The following TG variants were observed in gnomAD, a reference collection of about 807,000 sequenced individuals.
The protein encoded by TG is thyroglobulin, also known as thyroid hormones.
Under a neutral mutation model 324.7 loss-of-function variants are expected in TG, and 270 were observed. The observed-to-expected ratio is 0.83, with a 90% confidence interval of 0.75 to 0.92. The LOEUF (loss-of-function observed/expected upper bound fraction) is 0.92, where lower values mean the gene tolerates loss of function less well. TG is among the 40% of genes least tolerant of loss of function. TG has a pLI of 0.00. For synonymous variants in TG, 1,401 were observed against 1,327.0 expected, an observed-to-expected ratio of 1.06 and a Z score of -1.21; for missense variants, 3,591 against 3,456.4, an observed-to-expected ratio of 1.04 and a Z score of -0.98.
intron 19 of TG, 95 bp from the exon 20 acceptor site, chr8:132,912,948 TCCAG>T: frequency 8.8e-7 from 1 of 1,136,296 alleles, no homozygotes; most frequent in Non-Finnish European, 1.3e-6. Flanking sequence ...TATGTCTCAT[TCCAG>T]TCTGGATATT....
chr8:132,961,292 G>A (rs182622864), intron 28 of TG, among the ~76,000 whole-genome samples: 1 of 152,316 alleles, frequency 6.6e-6, no homozygotes, highest in African/African-American at 2.4e-5. Flanking sequence ...AAGAAGGGAT[G>A]GATAGAGGAA....
In TG at chr8:133,113,475, A is replaced by G. The variant is rs1393325111; in HGVS notation, c.7626A>G (p.Ala2542=). ...GTAGCAAAACAGCCTTTTACCAGGC[A>G]CTGCAGAATTCTCTGGGTGGCGAGG... The part of the protein sequence containing the change: ...RTSSKTAFYQ[A]LQNSLGGEDS... The change falls in exon 44 of 48, where the codon GCA becomes GCG. Residue 2542 remains alanine (A), a synonymous_variant. Transcript: ENST00000220616. The G allele has an allele frequency of 1.9e-6, 3 of 1,613,692 alleles. No homozygotes were observed. In the Admixed American group the frequency reaches 5.0e-5, roughly 27 times the overall value.
At chr8:133,119,471 A>C (rs547240288) in intron 45 of TG, among the ~76,000 whole-genome samples, 2 of 152,240 alleles carry the variant, frequency 1.3e-5, no homozygotes, top group African/African-American at 2.4e-5. Flanking sequence ...AGATCAAGGC[A>C]TGGGAAGATT....
chr8:133,051,001 A>G, intron 41 of TG: 1 of 752,724 alleles, frequency 1.3e-6, no homozygotes, highest in Admixed American at 2.2e-5. Context: ...GGAGGGTATG[A>G]AGATGAGATT....
chr8:132,961,079 C>T lies in TG; in HGVS notation c.5467+6C>T. 1 of 1,613,986 alleles carries T rather than the reference C, an allele frequency of 6.2e-7. No homozygotes were observed. The highest frequency in any genetic ancestry group is 8.5e-7 in the Non-Finnish European group (1 of 1,179,932). Reference sequence around the variant, plus strand: ...GCAGGTTTATCTCTGGAAAGGTGAGCTCCGTGGTGGAAGAGGGGGTTAGCA... The same window carrying T: ...GCAGGTTTATCTCTGGAAAGGTGAGTTCCGTGGTGGAAGAGGGGGTTAGCA... On this transcript the variant is annotated splice_donor_region_variant and intron_variant, in intron 28 of 47. Coordinates refer to ENST00000220616, the MANE Select transcript of TG (RefSeq NM_003235.5).
chr8:132,948,061 A>G (rs1825574617), intron 26 of TG, among the ~76,000 whole-genome samples: 1 of 152,208 alleles, frequency 6.6e-6, no homozygotes, highest in African/African-American at 2.4e-5. Flanking sequence ...CACACATCCT[A>G]GGCATATGGA....
At chr8:133,040,176 C>T (rs2131075722) in intron 41 of TG, 1 of 1,557,008 alleles carries the variant, frequency 6.4e-7, no homozygotes, top group South Asian at 1.2e-5. Context: ...GGGGACGCCT[C>T]AGCCAGTGTG....
Position 132,982,967 on chromosome 8 carries a change from G to A in TG, c.6200-383G>A, listed in dbSNP as rs183983531. Among the ~76,000 whole-genome samples the A allele has an allele frequency of 2.0e-5, 3 of 152,262 alleles. No homozygotes were observed. In the East Asian group the frequency reaches 5.8e-4, roughly 29 times the overall value. ...AAGAAATGATGTGTGTCACTTCTAG[G>A]CAAAAGCTCTAAGAGCAAGACTGAA... On this transcript the variant is annotated intron_variant, in intron 34 of 47. Transcript: ENST00000220616.
intron 37 of TG, among the ~76,000 whole-genome samples, chr8:133,016,500 G>C (rs1835041458): frequency 6.6e-6 from 1 of 152,146 alleles, no homozygotes; most frequent in Non-Finnish European, 1.5e-5. Flanking sequence ...GGAGTAGATG[G>C]ACTTCTGTCT....
At chr8:132,956,520 G>C (rs1826895701) in intron 27 of TG, among the ~76,000 whole-genome samples, 1 of 152,246 alleles carries the variant, frequency 6.6e-6, no homozygotes, top group Non-Finnish European at 1.5e-5. Context: ...GATTCTGAAA[G>C]AATGAGTAGA....
At chr8:132,961,780 AC>A (rs1411890661) in intron 28 of TG, among the ~76,000 whole-genome samples, 1 of 149,770 alleles carries the variant, frequency 6.7e-6, no homozygotes, top group Admixed American at 6.7e-5. Flanking sequence ...AAAGCCTCTG[AC>A]CCCATATTAC....
intron 41 of TG, among the ~76,000 whole-genome samples, chr8:133,090,879 C>G (rs549632983): frequency 6.6e-6 from 1 of 152,248 alleles, no homozygotes; most frequent in East Asian, 1.9e-4. Flanking sequence ...CCCGCACCCC[C>G]CGGGAACAGA....
intron 35 of TG, among the ~76,000 whole-genome samples, chr8:132,987,317 G>A (rs1026511712): frequency 6.6e-6 from 1 of 152,214 alleles, no homozygotes; most frequent in African/African-American, 2.4e-5. Context: ...CCTTCAGGGT[G>A]TTGAAATGTC....
intron 41 of TG, among the ~76,000 whole-genome samples, chr8:133,063,051 G>A (rs1426400737): frequency 6.6e-6 from 1 of 152,168 alleles, no homozygotes; most frequent in Non-Finnish European, 1.5e-5. Flanking sequence ...TGGGCTTCTG[G>A]GGAAAGTTCT....
Position 132,972,631 on chromosome 8 carries a change from T to A in TG, c.6089T>A (p.Leu2030Ter). 6.2e-7 allele frequency: 1 copy of A among 1,613,050 alleles called. No individual in the cohort carries two copies. The highest frequency in any genetic ancestry group is 8.5e-7 in the Non-Finnish European group (1 of 1,179,624). ...GTGACATGTCTCACTCTGAACAGCTTGGGAATTCAGATGTGCAGTGAGGAG... is the reference window on the plus strand; with the variant it reads ...GTGACATGTCTCACTCTGAACAGCTAGGGAATTCAGATGTGCAGTGAGGAG... ...GEVTCLTLNS[L>*]GIQMCSEENG... The change falls in exon 34 of 48, where the codon TTG becomes TAG. Residue 2030 changes from leucine (L) to a stop codon, truncating the protein, a stop_gained. Coordinates refer to ENST00000220616, the MANE Select transcript of TG (RefSeq NM_003235.5). LOFTEE classifies it high-confidence loss of function.
intron 41 of TG, chr8:133,060,444 A>C: frequency 7.4e-7 from 1 of 1,351,916 alleles, no homozygotes; most frequent in South Asian, 1.4e-5. Flanking sequence ...TGTTGGTGGC[A>C]AAAGTTTCCA....
chr8:132,882,605 A>T lies in TG; in HGVS notation c.882A>T (p.Arg294Ser). ...CAGTTCAATCAGTCATCTCTGGCAG[A>T]TTCCGATGTAAGTAATAAACTGCCA... ...FLAVQSVISG[R>S]FRCPTKCEVE... Residue 294 changes from arginine to serine, a missense_variant, in exon 7 of 48, where the codon AGA becomes AGT. By Grantham distance (110) the Arg-to-Ser change is moderately radical. Transcript: ENST00000220616. 1.2e-6 allele frequency: 2 copies of T among 1,614,222 alleles called. No homozygotes were observed. Among genetic ancestry groups the T allele is most frequent in the Non-Finnish European group, 1.7e-6 (2 of 1,180,042 alleles).
chr8:133,070,422 G>A (rs771972938), intron 41 of TG, among the ~76,000 whole-genome samples: 2 of 152,156 alleles, frequency 1.3e-5, no homozygotes, highest in Non-Finnish European at 2.9e-5. Flanking sequence ...TCCACTATGC[G>A]GAGGGCCTAA....
rs1814774591 is a variant in TG at position 132,882,433 on chromosome 8, G to A, written c.746-36G>A. ...CAAGGTCAGGGCTTCCTTTCTGAATGAGACCATCTCTGAAAGTCTTGCTGT... is the reference window on the plus strand; with the variant it reads ...CAAGGTCAGGGCTTCCTTTCTGAATAAGACCATCTCTGAAAGTCTTGCTGT... On this transcript the variant is annotated intron_variant, in intron 6 of 47. Transcript: ENST00000220616. 1.2e-6 allele frequency: 2 copies of A among 1,613,666 alleles called. 1 individual carries two copies. Among genetic ancestry groups the A allele is most frequent in the South Asian group, 2.2e-5 (2 of 91,076 alleles).
Sources: gnomAD v4.1 joint callset for allele counts (sites outside exome capture counted in the v4.1 genomes callset) on GRCh38, gnomAD v4.1.1 for gene constraint, MANE v1.5 for transcripts, NCBI Gene and HGNC (gene_info 2026-07-23, HGNC 2026-07-21) for gene names.